Variants in TSPAN13 observed in about 807,000 individuals in gnomAD.
TSPAN13 encodes tetraspanin-13.
Under a neutral mutation model 26.9 loss-of-function variants are expected in TSPAN13, and 18 were observed. The observed-to-expected ratio is 0.67, with a 90% CI of 0.46 to 0.99. The LOEUF is 0.99. TSPAN13 is among the 50% of genes least tolerant of loss of function. TSPAN13 has a pLI of 0.00. For synonymous variants in TSPAN13, 116 were observed against 98.4 expected, an observed-to-expected ratio of 1.18 and a Z score of -1.06; for missense variants, 201 against 249.6, an observed-to-expected ratio of 0.81 and a Z score of 1.31.
At chr7:16,764,100 C>T (rs1784579751) in intron 1 of TSPAN13, among the ~76,000 whole-genome samples, 1 of 152,168 alleles carries the variant, frequency 6.6e-6, no homozygotes, top group African/African-American at 2.4e-5. Context: ...TCACCGCAAC[C>T]TCTGCCTGTC....
At chr7:16,770,095 A>T (rs1015828027) in intron 1 of TSPAN13, among the ~76,000 whole-genome samples, 2 of 151,726 alleles carry the variant, frequency 1.3e-5, no homozygotes, top group Non-Finnish European at 2.9e-5. Flanking sequence ...GGTTTGTTTT[A>T]TGTGACTCTT....
At chr7:16,769,471 T>G (rs982723866) in intron 1 of TSPAN13, among the ~76,000 whole-genome samples, 1 of 152,234 alleles carries the variant, frequency 6.6e-6, no homozygotes, top group Non-Finnish European at 1.5e-5. Context: ...CAAATACATT[T>G]CACAATTTTC....
At chr7:16,778,238 T>A (rs1177248836) in intron 4 of TSPAN13, among the ~76,000 whole-genome samples, 1 of 152,242 alleles carries the variant, frequency 6.6e-6, no homozygotes, top group African/African-American at 2.4e-5. Flanking sequence ...GGGAAACTCC[T>A]GTTATCACAT....
chr7:16,781,523 T>G (rs752044158), intron 5 of TSPAN13, among the ~76,000 whole-genome samples: 1 of 152,200 alleles, frequency 6.6e-6, no homozygotes, highest in Non-Finnish European at 1.5e-5. Context: ...GCATTTTGGA[T>G]GTAGCCTTCC....
chr7:16,779,288 C>T (rs1017254792), intron 5 of TSPAN13, among the ~76,000 whole-genome samples, 172 bp downstream of exon 5: 1 of 152,136 alleles, frequency 6.6e-6, no homozygotes, highest in African/African-American at 2.4e-5. Flanking sequence ...ATAGCACCAA[C>T]TTTAGGACCG....
At chr7:16,765,075 G>A (rs927849338) in intron 1 of TSPAN13, among the ~76,000 whole-genome samples, 1 of 151,802 alleles carries the variant, frequency 6.6e-6, no homozygotes, top group African/African-American at 2.4e-5. Flanking sequence ...GTAGCGTTCT[G>A]TGTTTGTGCT....
chr7:16,760,814 C>T (rs896762844), intron 1 of TSPAN13, among the ~76,000 whole-genome samples: 9 of 151,896 alleles, frequency 5.9e-5, no homozygotes, highest in East Asian at 4.0e-4. Context: ...AGTTGGTTCT[C>T]GAATTTGTCA....
chr7:16,769,075 C>T (rs1784644719), intron 1 of TSPAN13, among the ~76,000 whole-genome samples: 1 of 152,130 alleles, frequency 6.6e-6, no homozygotes, highest in African/African-American at 2.4e-5. Context: ...ATCATCCCGC[C>T]TTGGCTTCCC....
chr7:16,776,623 A>T (rs1486217362), intron 2 of TSPAN13, among the ~76,000 whole-genome samples: 2 of 152,134 alleles, frequency 1.3e-5, no homozygotes, highest in African/African-American at 4.8e-5. Context: ...CTATTTATGT[A>T]TTGTAAATTC....
At chr7:16,768,708 G>A (rs376343461) in intron 1 of TSPAN13, among the ~76,000 whole-genome samples, 1 of 152,102 alleles carries the variant, frequency 6.6e-6, no homozygotes, top group Non-Finnish European at 1.5e-5. Flanking sequence ...AATAATATCA[G>A]TTTTCAAAAT....
intron 1 of TSPAN13, among the ~76,000 whole-genome samples, chr7:16,767,167 C>T (rs943241169): frequency 1.3e-5 from 2 of 152,212 alleles, no homozygotes; most frequent in Non-Finnish European, 2.9e-5. Flanking sequence ...ACTCTCCAGT[C>T]CCTTTCCCAT....
chr7:16,779,054 G>C lies in TSPAN13; in HGVS notation c.478G>C (p.Glu160Gln). Residue 160 changes from glutamate to glutamine, a missense_variant, in exon 5 of 6, where the codon GAA becomes CAA. Glu to Gln is a conservative substitution (Grantham distance 29). Transcript: ENST00000262067. ...CTCGCCATGTGCTCCAATCATAGGA[G>C]AATATGCTGGAGAGGTTTTGAGATT... is the stretch of plus-strand genomic sequence containing the variant. The part of the protein sequence containing the change: ...SCSPCAPIIG[E>Q]YAGEVLRFVG... 6.2e-7 allele frequency: 1 copy of C among 1,614,118 alleles called. No individual in the cohort carries two copies. Among genetic ancestry groups the C allele is most frequent in the Non-Finnish European group, 8.5e-7 (1 of 1,179,992 alleles).
Position 16,759,177 on chromosome 7 carries a change from G to T in TSPAN13, c.63+5147G>T, listed in dbSNP as rs77723687. Among the ~76,000 whole-genome samples, 1,321 of 152,258 alleles carry T rather than the reference G, an allele frequency of 8.7e-3. 10 individuals are homozygous for T. Among genetic ancestry groups the T allele is most frequent in the African/African-American group, 0.03 (1,250 of 41,542 alleles). On this transcript the variant is annotated intron_variant, in intron 1 of 5. Coordinates refer to ENST00000262067, the MANE Select transcript of TSPAN13 (RefSeq NM_014399.4). ...ATGGTGGTCATGCTTGGCCTGCATG[G>T]AAAGAAAACAGTGTACGAAAGGTGT... is the stretch of plus-strand genomic sequence containing the variant.
chr7:16,779,198 C>T (rs1784787657), intron 5 of TSPAN13, 82 bp downstream of exon 5: 2 of 1,004,370 alleles, frequency 2.0e-6, no homozygotes, highest in Non-Finnish European at 1.5e-6. Flanking sequence ...TTCTTGTTAT[C>T]AGTGAGCATT....
At chr7:16,769,763 C>T (rs1784652998) in intron 1 of TSPAN13, among the ~76,000 whole-genome samples, 3 of 152,140 alleles carry the variant, frequency 2.0e-5, no homozygotes, top group Non-Finnish European at 2.9e-5. Flanking sequence ...TTTGTATTTA[C>T]ACTTAGTTGT....
Position 16,773,239 on chromosome 7 carries a change from G to A in TSPAN13, c.64-2972G>A, listed in dbSNP as rs185274739. On this transcript the variant is annotated intron_variant, in intron 1 of 5. Transcript: ENST00000262067. The stretch of plus-strand genomic sequence containing the variant: ...TCATTCTCTTCTATACCGACTTCTA[G>A]AGCAGGGGTCCGAAAACTACAGCCC... 2.1e-3 allele frequency among the ~76,000 whole-genome samples: 322 copies of A among 150,916 alleles called. 1 individual carries two copies. Among genetic ancestry groups the A allele is most frequent in the African/African-American group, 7.1e-3 (289 of 40,980 alleles).
chr7:16,776,108 G>A lies in TSPAN13; in HGVS notation c.64-103G>A, dbSNP rs563856498. The A allele has an allele frequency of 1.5e-4, 164 of 1,096,380 alleles. 1 individual carries two copies. The highest frequency in any genetic ancestry group is 1.6e-4 in the Non-Finnish European group (124 of 763,886). The allele number at this position is 1,096,380 out of a possible 1,614,324, so 67.9% of individuals were successfully genotyped here. On this transcript the variant is annotated intron_variant, in intron 1 of 5. Coordinates refer to ENST00000262067, the MANE Select transcript of TSPAN13 (RefSeq NM_014399.4). ...TTAGTGCTTATTTGTAAGAGACTAC[G>A]TAGGTGCCTGAAGGATATTGTTGAT...
At chr7:16,761,607 C>T (rs1172995548) in intron 1 of TSPAN13, among the ~76,000 whole-genome samples, 1 of 151,994 alleles carries the variant, frequency 6.6e-6, no homozygotes, top group Non-Finnish European at 1.5e-5. Flanking sequence ...AGCCTTGAAC[C>T]CCTGGGCCCA....
intron 1 of TSPAN13, among the ~76,000 whole-genome samples, chr7:16,769,785 C>T (rs924413228): frequency 3.9e-5 from 6 of 152,242 alleles, no homozygotes; most frequent in African/African-American, 1.4e-4. Context: ...TAAAACCCCA[C>T]CACAATGCTG....
Sources: allele counts gnomAD v4.1 joint callset (sites outside exome capture counted in the v4.1 genomes callset), GRCh38; gene constraint gnomAD v4.1.1; transcripts MANE v1.5; gene names NCBI Gene and HGNC (gene_info 2026-07-23, HGNC 2026-07-21).